The following CHLSN variants were observed in gnomAD, a reference collection of about 807,000 sequenced individuals.
CHLSN encodes cholesin.
the CHLSN span, among the ~76,000 whole-genome samples, chr7:1,065,566 A>G: frequency 2.6e-5 from 4 of 152,226 alleles, no homozygotes; most frequent in African/African-American, 9.6e-5. Context: ...AGATGTGAGC[A>G]CGTGCAAAGT....
the CHLSN span, among the ~76,000 whole-genome samples, chr7:1,081,104 A>G: frequency 6.6e-6 from 1 of 152,264 alleles, no homozygotes; most frequent in Non-Finnish European, 1.5e-5. Context: ...GCAGCCCAGC[A>G]AGGCTGCAAC....
the CHLSN span, among the ~76,000 whole-genome samples, chr7:1,031,435 G>GAGGGCAGAGTGGTCCGGGGGAC: frequency 3.8e-5 from 3 of 79,662 alleles, no homozygotes; most frequent in Admixed American, 1.2e-4. Context: ...GTCCGGGGGG[G>GAGGGCAGAGTGGTCCGGGGGAC]CAGAGACCTG....
At chr7:1,113,287 G>A in the CHLSN span, among the ~76,000 whole-genome samples, 1 of 151,986 alleles carries the variant, frequency 6.6e-6, no homozygotes, top group Non-Finnish European at 1.5e-5. Context: ...GCGAGTGAGC[G>A]CCCTGATGGC....
At chr7:1,010,175 G>C in the CHLSN span, 1 of 1,582,984 alleles carries the variant, frequency 6.3e-7, no homozygotes, top group Non-Finnish European at 8.6e-7. Context: ...AGGCTTCGGG[G>C]ATGGAGGGTA....
At chr7:1,054,557 C>T in the CHLSN span, among the ~76,000 whole-genome samples, 11 of 152,218 alleles carry the variant, frequency 7.2e-5, no homozygotes, top group Non-Finnish European at 1.0e-4. Flanking sequence ...TCCACGTGAC[C>T]GCCTCCCAAG....
the CHLSN span, among the ~76,000 whole-genome samples, chr7:1,126,140 C>T: frequency 1.3e-5 from 2 of 151,810 alleles, no homozygotes; most frequent in Admixed American, 6.6e-5. Context: ...GCAGGTGGAT[C>T]ACGAGGTCAG....
chr7:1,071,822 T>G, the CHLSN span, among the ~76,000 whole-genome samples: 4 of 152,202 alleles, frequency 2.6e-5, no homozygotes, highest in Non-Finnish European at 4.4e-5. Flanking sequence ...CAGGCAGCCT[T>G]GCCCCTGTGG....
the CHLSN span, chr7:1,028,177 C>T: frequency 4.2e-6 from 4 of 944,498 alleles, no homozygotes; most frequent in Non-Finnish European, 3.8e-6. Flanking sequence ...GCCCACCTGT[C>T]GCCGCGGGGC....
At chr7:1,110,317 G>T in the CHLSN span, among the ~76,000 whole-genome samples, 3 of 152,098 alleles carry the variant, frequency 2.0e-5, no homozygotes, top group African/African-American at 7.3e-5. Flanking sequence ...CACGTCCTCC[G>T]ACGACAAGGA....
chr7:1,041,325 AGGGGGCCTGGGGTCCGCGCTGC>A, the CHLSN span, among the ~76,000 whole-genome samples: 6,431 of 120,354 alleles, frequency 0.053, 1,600 homozygotes, highest in African/African-American at 0.19. Flanking sequence ...GCTGCGGGGA[AGGGGGCCTGGGGTCCGCGCTGC>A]GGGGAAGGGG....
chr7:985,793 T>C, the CHLSN span, among the ~76,000 whole-genome samples: 4 of 152,220 alleles, frequency 2.6e-5, no homozygotes, highest in Non-Finnish European at 4.4e-5. Context: ...CTCATGGTAT[T>C]TGATGTGCGT....
the CHLSN span, among the ~76,000 whole-genome samples, chr7:1,015,943 C>T: frequency 0.014 from 2,172 of 152,274 alleles, 125 homozygotes; most frequent in East Asian, 0.19. Flanking sequence ...CTCCTGACGC[C>T]CCTCAGTGAC....
the CHLSN span, among the ~76,000 whole-genome samples, chr7:1,112,765 C>T: frequency 3.9e-5 from 6 of 152,038 alleles, no homozygotes; most frequent in East Asian, 1.9e-4. Flanking sequence ...GTGCGGGGTC[C>T]GGCCTCAGCT....
At chr7:1,098,297 C>T in the CHLSN span, among the ~76,000 whole-genome samples, 2 of 152,342 alleles carry the variant, frequency 1.3e-5, no homozygotes, top group African/African-American at 4.8e-5. Flanking sequence ...GAACCGGAAA[C>T]ATGCATCCAA....
chr7:1,054,216 C>T, the CHLSN span, among the ~76,000 whole-genome samples: 2 of 152,246 alleles, frequency 1.3e-5, no homozygotes, highest in East Asian at 3.9e-4. Context: ...TTGGGGCCAA[C>T]ACGCAAAGCG....
chr7:1,092,305 T>C, the CHLSN span: 1 of 1,611,766 alleles, frequency 6.2e-7, no homozygotes, highest in Non-Finnish European at 8.5e-7. Context: ...GCTGGTGCCC[T>C]TCACCGCCGT....
At chr7:986,571 C>T in the CHLSN span, 687 of 1,584,216 alleles carry the variant, frequency 4.3e-4, 1 homozygote, top group South Asian at 5.2e-4. Context: ...GCCTGCCCAG[C>T]GTGCAGCCCT....
chr7:1,116,800 A>G, the CHLSN span, among the ~76,000 whole-genome samples: 2 of 60,354 alleles, frequency 3.3e-5, 1 homozygote, highest in Non-Finnish European at 5.6e-5. Context: ...TGATGACATC[A>G]CTACAGATCT....
the CHLSN span, among the ~76,000 whole-genome samples, chr7:1,063,049 A>G: frequency 6.6e-6 from 1 of 152,192 alleles, no homozygotes; most frequent in African/African-American, 2.4e-5. Context: ...GTGTGAGTGC[A>G]TCTGACCTGC....
Sources: allele counts gnomAD v4.1 joint callset (sites outside exome capture counted in the v4.1 genomes callset), GRCh38; gene constraint gnomAD v4.1.1; transcripts MANE v1.5; gene names NCBI Gene and HGNC (gene_info 2026-07-23, HGNC 2026-07-21).